RAB21: variants seen among roughly 807,000 people sequenced by gnomAD.
RAB21 encodes RAB21, member RAS oncogene family, also known as ras-related protein Rab-21.
RAB21 carries 13 observed loss-of-function variants against 33.1 expected under a neutral mutation model. That is an observed-to-expected ratio of 0.39 (90% CI 0.26 to 0.62). The LOEUF is 0.62. Among genes scored for constraint, RAB21 ranks in the 20% least tolerant of loss-of-function variants. The pLI is 0.48. For synonymous variants in RAB21, 91 were observed against 103.7 expected, an observed-to-expected ratio of 0.88 and a Z score of 0.74; for missense variants, 234 against 279.1, an observed-to-expected ratio of 0.84 and a Z score of 1.15.
At chr12:71,761,816 C>T (rs1051618328) in intron 1 of RAB21, among the ~76,000 whole-genome samples, 1 of 151,990 alleles carries the variant, frequency 6.6e-6, no homozygotes, top group Non-Finnish European at 1.5e-5. Context: ...TTTTTAAACA[C>T]ACCTTAACCT....
At position 71,796,542 on chromosome 12, in the gene RAB21, C is replaced by T. The variant is rs1883465988; in HGVS notation, c.*10869C>T. On this transcript the variant is annotated 3_prime_UTR_variant, in exon 7 of 7. Transcript: ENST00000261263. ...AGGAAACTGGTGTCATTAGGAAATA[C>T]GTTAACATAAGATCCCTGACTATAA... 1.5e-5 allele frequency: 2 copies of T among 137,056 alleles called. No homozygotes were observed. The highest frequency in any genetic ancestry group is 5.9e-5 in the African/African-American group (2 of 33,970). The allele number at this position is 137,056 out of a possible 1,614,324, so 8.5% of individuals were successfully genotyped here.
In RAB21 at chr12:71,769,309, C is replaced by T. The variant is rs543192743; in HGVS notation, c.160-491C>T. 1.4e-4 allele frequency among the ~76,000 whole-genome samples: 22 copies of T among 152,226 alleles called. No homozygotes were observed. In the East Asian group the frequency reaches 1.7e-3, roughly 12 times the overall value. On this transcript the variant is annotated intron_variant, in intron 1 of 6. Transcript: ENST00000261263. ...TCTAGTAGAGTATAAAGGGTAGAAC[C>T]GTGTCCCTTCATTTCTCTGACATTA... is the stretch of plus-strand genomic sequence containing the variant.
chr12:71,797,401 G>A lies in RAB21; in HGVS notation c.*11728G>A, dbSNP rs898614018. 2.6e-5 allele frequency: 4 copies of A among 151,924 alleles called. No homozygotes were observed. Among genetic ancestry groups the A allele is most frequent in the African/African-American group, 4.8e-5 (2 of 41,374 alleles). 9.4% of individuals were successfully genotyped at this position (151,924 alleles called of 1,614,324 possible). On this transcript the variant is annotated 3_prime_UTR_variant, in exon 7 of 7. Transcript: ENST00000261263. ...AGGCCCCATTTAAAGTAAGACCAAA[G>A]GAGAGAAGATACCTAGGAATAAACA...
chr12:71,766,946 A>G (rs1036885310), intron 1 of RAB21, among the ~76,000 whole-genome samples: 1 of 152,180 alleles, frequency 6.6e-6, no homozygotes, highest in Admixed American at 6.5e-5. Flanking sequence ...GAGACTTTTA[A>G]TTGTAAATGT....
intron 4 of RAB21, among the ~76,000 whole-genome samples, chr12:71,780,381 C>T (rs1402643178): frequency 6.6e-6 from 1 of 152,074 alleles, no homozygotes; most frequent in Admixed American, 6.5e-5. Context: ...AATCTTTTTC[C>T]TGTTTGTTGG....
In RAB21 at chr12:71,774,757, A is replaced by T. The variant is rs948095105; in HGVS notation, c.391+735A>T. On this transcript the variant is annotated intron_variant, in intron 4 of 6. Transcript: ENST00000261263. ...GGGCAACAGAGCGAGACTGTGTCTT[A>T]AAAAAAAAAAAAAAAAGAATAATTT... Among the ~76,000 whole-genome samples, 6 of 56,412 alleles carry T rather than the reference A, an allele frequency of 1.1e-4. No individual in the cohort carries two copies. The African/African-American group carries it at 2.1e-3, about 20-fold the overall frequency. 37.0% of individuals were successfully genotyped at this position (56,412 alleles called of 152,430 possible).
chr12:71,786,283 CTACT>C lies in RAB21; in HGVS notation c.*613_*616del, dbSNP rs1381073123. The C allele has an allele frequency of 1.3e-5, 2 of 152,484 alleles. No individual in the cohort carries two copies. Among genetic ancestry groups the C allele is most frequent in the African/African-American group, 4.8e-5 (2 of 41,386 alleles). The allele number at this position is 152,484 out of a possible 1,614,324, so 9.4% of individuals were successfully genotyped here. ...GGAATAATATGCATGTAGAAAAGAC[CTACT>C]TAAAGTCTTCATTTATATTCTTTCA... On this transcript the variant is annotated 3_prime_UTR_variant, in exon 7 of 7. Transcript: ENST00000261263.
chr12:71,765,564 C>T (rs1882947227), intron 1 of RAB21, among the ~76,000 whole-genome samples: 2 of 152,102 alleles, frequency 1.3e-5, no homozygotes, highest in Admixed American at 1.3e-4. Flanking sequence ...ATGTTATCCC[C>T]TAGAATTTTT....
At chr12:71,770,143 C>T (rs1231755940) in intron 2 of RAB21, among the ~76,000 whole-genome samples, 2 of 152,082 alleles carry the variant, frequency 1.3e-5, no homozygotes, top group Non-Finnish European at 2.9e-5. Flanking sequence ...CTCCATATTC[C>T]AGCCTTCTAA....
chr12:71,782,116 A>T, intron 5 of RAB21, 31 bp downstream of exon 5: 1 of 1,564,820 alleles, frequency 6.4e-7, no homozygotes, highest in Non-Finnish European at 8.8e-7. Flanking sequence ...ATTCCCCATC[A>T]CTCCCTAGTA....
chr12:71,769,607 GA>G (rs1274896428), intron 1 of RAB21, among the ~76,000 whole-genome samples, 192 bp from the exon 2 acceptor site: 1 of 151,930 alleles, frequency 6.6e-6, no homozygotes, highest in Non-Finnish European at 1.5e-5. Context: ...CAGAAAACAA[GA>G]TTTTTTTTTA....
rs1883405651 is a variant in RAB21 at position 71,792,748 on chromosome 12, A to G, written c.*7075A>G. 6.6e-6 allele frequency: 1 copy of G among 152,234 alleles called. No homozygotes were observed. The highest frequency in any genetic ancestry group is 1.5e-5 in the Non-Finnish European group (1 of 68,048). 9.4% of individuals were successfully genotyped at this position (152,234 alleles called of 1,614,324 possible). A position where few individuals can be genotyped will look rare whatever the true frequency, so the allele number is the denominator to read the frequency against. On this transcript the variant is annotated 3_prime_UTR_variant, in exon 7 of 7. Transcript: ENST00000261263. ...CCCAGTGTACATACATGGGAGAACC[A>G]GATAGCCAAAGTGCCTTCCTTTATC...
chr12:71,782,310 CATG>C, intron 5 of RAB21: 2 of 552,756 alleles, frequency 3.6e-6, no homozygotes, highest in Non-Finnish European at 6.4e-6. Context: ...ACAAAACTAT[CATG>C]ATCAAATAGG....
rs1037958669 is a variant in RAB21, at chr12:71,766,864, A to G, written c.160-2936A>G. Among the ~76,000 whole-genome samples the G allele has an allele frequency of 3.3e-5, 5 of 152,122 alleles. No homozygotes were observed. In the East Asian group the frequency reaches 7.7e-4, roughly 23 times the overall value. ...TATAAGTTGGAGAATAAGTAAAGAA[A>G]TATTGGAAGCTGTCCTAAGAAGATA... On this transcript the variant is annotated intron_variant, in intron 1 of 6. Transcript: ENST00000261263.
In RAB21 at chr12:71,792,610, T is replaced by G. The variant is rs1883403164; in HGVS notation, c.*6937T>G. 1 of 152,240 alleles carries G rather than the reference T, an allele frequency of 6.6e-6. No individual in the cohort carries two copies. 9.4% of individuals were successfully genotyped at this position (152,240 alleles called of 1,614,324 possible). On this transcript the variant is annotated 3_prime_UTR_variant, in exon 7 of 7. Coordinates refer to ENST00000261263, the MANE Select transcript of RAB21 (RefSeq NM_014999.4). ...AGGTTAAGCATATATGTGAGTTTAA[T>G]AATTGTTTCTGTATTTTAAAAAATT...
At chr12:71,771,479 T>C (rs1565889162) in intron 3 of RAB21, among the ~76,000 whole-genome samples, 1 of 152,194 alleles carries the variant, frequency 6.6e-6, no homozygotes, top group East Asian at 1.9e-4. Context: ...TTATTTTTTT[T>C]CCCAGTTAAA....
intron 1 of RAB21, among the ~76,000 whole-genome samples, chr12:71,761,401 G>A (rs1028461831): frequency 9.9e-5 from 15 of 152,060 alleles, no homozygotes; most frequent in Non-Finnish European, 8.8e-5. Context: ...TACAAGGGCC[G>A]GGCATGGTGG....
Position 71,785,474 on chromosome 12 carries a change from GA to G in RAB21, c.536-54del, listed in dbSNP as rs1317963708. ...ATCATAGTGTTATACTGAAATTTTA[GA>G]AAGAGAAAACACAAATATTGTGGTC... On this transcript the variant is annotated intron_variant, in intron 6 of 6. Coordinates refer to ENST00000261263, the MANE Select transcript of RAB21 (RefSeq NM_014999.4). 4 of 1,579,052 alleles carry G rather than the reference GA, an allele frequency of 2.5e-6. No homozygotes were observed. The African/African-American group carries it at 5.4e-5, about 21-fold the overall frequency.
intron 1 of RAB21, among the ~76,000 whole-genome samples, chr12:71,763,209 A>C (rs943749573): frequency 6.6e-6 from 1 of 150,968 alleles, no homozygotes. Context: ...GATACTAGAT[A>C]AAGCCAGGAA....
Sources: allele counts gnomAD v4.1 joint callset (sites outside exome capture counted in the v4.1 genomes callset), GRCh38; gene constraint gnomAD v4.1.1; transcripts MANE v1.5; gene names NCBI Gene and HGNC (gene_info 2026-07-23, HGNC 2026-07-21).